RPS6KA5: variants seen among roughly 807,000 people sequenced by gnomAD.
RPS6KA5 encodes the protein ribosomal protein S6 kinase A5.
Under a neutral mutation model 85.5 loss-of-function variants are expected in RPS6KA5, and 27 were observed. The observed-to-expected ratio is 0.32, with a 90% CI of 0.23 to 0.44. The LOEUF (loss-of-function observed/expected upper bound fraction) is 0.44. Ranked by LOEUF, RPS6KA5 falls within the 20% of genes least tolerant of loss-of-function variation. The pLI is 1.00. For missense variants in RPS6KA5, 811 were observed against 980.9 expected (o/e 0.83, Z 2.31); for synonymous variants, 334 against 348.2 (o/e 0.96, Z 0.46).
intron 2 of RPS6KA5, among the ~76,000 whole-genome samples, chr14:90,998,833 A>G (rs892177859): frequency 3.3e-5 from 5 of 152,206 alleles, no homozygotes; most frequent in Non-Finnish European, 7.4e-5. Context: ...CCTATATGGC[A>G]TGCTAAACTA....
intron 3 of RPS6KA5, among the ~76,000 whole-genome samples, chr14:90,955,174 G>A (rs1595327210): frequency 6.6e-6 from 1 of 152,120 alleles, no homozygotes; most frequent in Non-Finnish European, 1.5e-5. Flanking sequence ...GGAAGACTGG[G>A]TTACTGATTT....
rs73324670 is a variant in RPS6KA5 at position 90,921,292 on chromosome 14, T to C, written c.703-983A>G. On this transcript the variant is annotated intron_variant, in intron 6 of 16. Coordinates refer to ENST00000614987, the MANE Select transcript of RPS6KA5 (RefSeq NM_004755.4). ...AAATCGTGAGAGCAAAGGTATTTAC[T>C]GAATATTTTCCTCATGCCAGGCACT... 5.7e-3 allele frequency among the ~76,000 whole-genome samples: 864 copies of C among 152,298 alleles called. 10 individuals carry two copies. Among genetic ancestry groups the C allele is most frequent in the South Asian group, 0.016 (76 of 4,826 alleles).
At chr14:91,001,327 G>C (rs1369971422) in intron 1 of RPS6KA5, among the ~76,000 whole-genome samples, 168 bp from the exon 2 acceptor site, 1 of 151,970 alleles carries the variant, frequency 6.6e-6, no homozygotes, top group Non-Finnish European at 1.5e-5. Context: ...ATAAATTTCT[G>C]TATGTTATGC....
intron 3 of RPS6KA5, among the ~76,000 whole-genome samples, chr14:90,974,454 T>C (rs1288672044): frequency 6.6e-6 from 1 of 152,250 alleles, no homozygotes; most frequent in Non-Finnish European, 1.5e-5. Context: ...CCATGAATTC[T>C]TTCTAGTTCC....
intron 4 of RPS6KA5, 77 bp from the exon 5 acceptor site, chr14:90,943,262 T>G (rs556654307): frequency 1.1e-5 from 8 of 752,452 alleles, no homozygotes; most frequent in Non-Finnish European, 1.7e-5. Flanking sequence ...CGTCTACCTT[T>G]ATTTATTTAT....
At chr14:91,017,647 T>C (rs1299433354) in intron 1 of RPS6KA5, among the ~76,000 whole-genome samples, 3 of 152,158 alleles carry the variant, frequency 2.0e-5, no homozygotes, top group South Asian at 2.1e-4. Flanking sequence ...ACTTCTCCCA[T>C]AGCCAGAGTT....
intron 2 of RPS6KA5, among the ~76,000 whole-genome samples, chr14:90,995,124 A>G (rs1183987848): frequency 6.6e-6 from 1 of 151,526 alleles, no homozygotes; most frequent in African/African-American, 2.4e-5. Flanking sequence ...TCCCAGATTC[A>G]AGCAATTCTC....
At chr14:90,929,822 A>G (rs2036875631) in intron 5 of RPS6KA5, among the ~76,000 whole-genome samples, 1 of 152,146 alleles carries the variant, frequency 6.6e-6, no homozygotes, top group African/African-American at 2.4e-5. Context: ...TGAAGAGGAA[A>G]AAGATCTCAC....
At chr14:91,044,865 G>A (rs1192147463) in intron 1 of RPS6KA5, among the ~76,000 whole-genome samples, 1 of 137,504 alleles carries the variant, frequency 7.3e-6, no homozygotes, top group African/African-American at 2.7e-5. Context: ...AGCGAGACGT[G>A]TCAAAAAAAA....
intron 7 of RPS6KA5, among the ~76,000 whole-genome samples, chr14:90,907,091 T>A (rs1152432): frequency 0.64 from 97,226 of 152,040 alleles, 32,517 homozygotes; most frequent in East Asian, 0.88. Context: ...CCTCTTAACA[T>A]CCAGATCAAT....
intron 1 of RPS6KA5, among the ~76,000 whole-genome samples, chr14:91,007,177 A>G (rs1365534369): frequency 6.6e-6 from 1 of 152,256 alleles, no homozygotes; most frequent in Non-Finnish European, 1.5e-5. Flanking sequence ...GCATAGTGGC[A>G]CCAAAACCTT....
intron 3 of RPS6KA5, among the ~76,000 whole-genome samples, chr14:90,973,822 A>G (rs1380405301): frequency 6.6e-6 from 1 of 151,906 alleles, no homozygotes; most frequent in Non-Finnish European, 1.5e-5. Flanking sequence ...GGATCACCTG[A>G]GGGTCAGGAG....
In RPS6KA5 at chr14:90,900,153, T is replaced by C. The variant is rs762858981; in HGVS notation, c.1334A>G (p.His445Arg). 1 of 1,607,032 alleles carries C rather than the reference T, an allele frequency of 6.2e-7. No individual in the cohort carries two copies. The highest frequency in any genetic ancestry group is 1.3e-5 in the African/African-American group (1 of 74,794). The stretch of plus-strand genomic sequence containing the variant: ...TGCAAAAGCTTGGTTACTTTTTTTA[T>C]GCACACACTTTCGACAAATTGAAAA... ...GSFSICRKCVHKKSNQAFAVK... is the reference protein window; with the variant it reads ...GSFSICRKCVRKKSNQAFAVK... Residue 445 changes from histidine to arginine, a missense_variant, in exon 11 of 17, where the codon CAT becomes CGT. Coordinates refer to ENST00000614987, the MANE Select transcript of RPS6KA5 (RefSeq NM_004755.4).
intron 5 of RPS6KA5, among the ~76,000 whole-genome samples, chr14:90,936,137 G>A (rs56163706): frequency 0.1 from 15,569 of 152,190 alleles, 1,116 homozygotes; most frequent in African/African-American, 0.2. Context: ...AGAATCTCAA[G>A]AGCTTGATCG....
chr14:90,922,367 G>A lies in RPS6KA5; in HGVS notation c.702+746C>T, dbSNP rs142361066. Among the ~76,000 whole-genome samples the A allele has an allele frequency of 3.0e-4, 45 of 152,308 alleles. No homozygotes were observed. In the East Asian group the frequency reaches 7.9e-3, roughly 27 times the overall value. ...ATCACGACTCAGACAGGAACAATGT[G>A]CAGTTTTACATGCCGTGACCCTTCT... is the stretch of plus-strand genomic sequence containing the variant. On this transcript the variant is annotated intron_variant, in intron 6 of 16. Transcript: ENST00000614987.
At chr14:90,978,578 G>C (rs987496952) in intron 2 of RPS6KA5, 54 bp from the exon 3 acceptor site, 3 of 1,322,258 alleles carry the variant, frequency 2.3e-6, no homozygotes, top group Non-Finnish European at 3.1e-6. Context: ...AGGCAAAATG[G>C]TAATTTAGTG....
intron 5 of RPS6KA5, among the ~76,000 whole-genome samples, chr14:90,926,232 C>G (rs1329219706): frequency 6.6e-6 from 1 of 151,290 alleles, no homozygotes; most frequent in Non-Finnish European, 1.5e-5. Flanking sequence ...TAGCTCAAAT[C>G]CTGTCTCTAC....
chr14:90,912,863 T>C (rs1006770959), intron 7 of RPS6KA5, among the ~76,000 whole-genome samples: 2 of 151,364 alleles, frequency 1.3e-5, no homozygotes, highest in African/African-American at 4.9e-5. Context: ...GCATGTCTTA[T>C]GTAAGCTATA....
At chr14:91,022,875 A>G (rs1394036034) in intron 1 of RPS6KA5, among the ~76,000 whole-genome samples, 1 of 152,152 alleles carries the variant, frequency 6.6e-6, no homozygotes, top group Non-Finnish European at 1.5e-5. Context: ...TCACCAGGTC[A>G]GGAGTTCGAG....
Sources: allele counts gnomAD v4.1 joint callset (sites outside exome capture counted in the v4.1 genomes callset), GRCh38; gene constraint gnomAD v4.1.1; transcripts MANE v1.5; gene names NCBI Gene and HGNC (gene_info 2026-07-23, HGNC 2026-07-21).